XPO7: variants seen among roughly 807,000 people sequenced by gnomAD.
XPO7 encodes the protein exportin 7.
Under a neutral mutation model 144.3 loss-of-function variants are expected in XPO7, and 21 were observed. The observed-to-expected ratio is 0.15, with a 90% CI of 0.10 to 0.21. XPO7 has a LOEUF of 0.21. Ranked by LOEUF, XPO7 falls within the 10% of genes least tolerant of loss-of-function variation. XPO7 has a pLI of 1.00. For synonymous variants in XPO7, 580 were observed against 499.6 expected, an observed-to-expected ratio of 1.16 and a Z score of -2.15; for missense variants, 808 against 1,325.8, an observed-to-expected ratio of 0.61 and a Z score of 6.06.
intron 1 of XPO7, among the ~76,000 whole-genome samples, chr8:21,966,058 C>G (rs1351560445): frequency 6.6e-6 from 1 of 152,158 alleles, no homozygotes; most frequent in Non-Finnish European, 1.5e-5. Flanking sequence ...ACATTAAGTG[C>G]AAGTATATAT....
At chr8:21,946,743 A>G (rs1429017291) in intron 1 of XPO7, among the ~76,000 whole-genome samples, 1 of 151,260 alleles carries the variant, frequency 6.6e-6, no homozygotes, top group Non-Finnish European at 1.5e-5. Context: ...CCTGGGTTCA[A>G]GCGATTCTAA....
At chr8:21,939,112 T>G (rs918166572) in intron 1 of XPO7, among the ~76,000 whole-genome samples, 2 of 152,250 alleles carry the variant, frequency 1.3e-5, no homozygotes, top group Non-Finnish European at 2.9e-5. Context: ...TTAGCTCTTC[T>G]ATTCTTATTT....
chr8:21,976,442 C>T lies in XPO7; in HGVS notation c.684C>T (p.Asn228=). Residue 228 remains asparagine, a synonymous_variant, in exon 7 of 28, where the codon AAC becomes AAT. Coordinates refer to ENST00000252512, the MANE Select transcript of XPO7 (RefSeq NM_015024.5). ...TCAAGCTCACTCATAACTGCCTCAA[C>T]TTTGACTTCATCGGCACTTCCACTG... ...QLLKLTHNCL[N]FDFIGTSTDE... is the part of the protein sequence containing the mutation. The T allele has an allele frequency of 6.2e-7, 1 of 1,614,012 alleles. No individual in the cohort carries two copies. Among genetic ancestry groups the T allele is most frequent in the South Asian group, 1.1e-5 (1 of 91,084 alleles).
chr8:21,953,848 T>G (rs1811451665), intron 1 of XPO7, among the ~76,000 whole-genome samples: 1 of 152,198 alleles, frequency 6.6e-6, no homozygotes, highest in Non-Finnish European at 1.5e-5. Context: ...CTTTTTTAAT[T>G]GGTTTGTTTT....
chr8:21,990,496 C>G, intron 17 of XPO7, 89 bp downstream of exon 17: 7 of 1,425,422 alleles, frequency 4.9e-6, no homozygotes, highest in Non-Finnish European at 6.9e-6. Context: ...AACTGAGGTC[C>G]CGGGTATTGC....
chr8:21,990,978 T>C (rs1375180973), intron 18 of XPO7, 59 bp downstream of exon 18: 5 of 1,502,896 alleles, frequency 3.3e-6, no homozygotes, highest in Non-Finnish European at 4.6e-6. Context: ...AAATTTTTAT[T>C]TGAGGACTGA....
intron 1 of XPO7, among the ~76,000 whole-genome samples, chr8:21,946,424 G>A (rs1255331927): frequency 2.6e-5 from 4 of 151,978 alleles, no homozygotes; most frequent in African/African-American, 9.7e-5. Flanking sequence ...ATTAGATAGT[G>A]TAGAAGAGAA....
Position 21,919,745 on chromosome 8 carries a change from C to G in XPO7, c.-26C>G. ...GGTGCGCGCTGGGGGGGAGGGGGGG[C>G]CGGAGAGGAGCATGAATGGAGCAAA... On this transcript the variant is annotated 5_prime_UTR_variant, in exon 1 of 28. Coordinates refer to ENST00000252512, the MANE Select transcript of XPO7 (RefSeq NM_015024.5). 2.1e-6 allele frequency: 1 copy of G among 478,344 alleles called. No individual in the cohort carries two copies. The highest frequency in any genetic ancestry group is 2.9e-6 in the Non-Finnish European group (1 of 339,454). The allele number at this position is 478,344 out of a possible 1,614,324, so 29.6% of individuals were successfully genotyped here. A position where few individuals can be genotyped will look rare whatever the true frequency, so the allele number is the denominator to read the frequency against.
chr8:21,980,315 G>T, intron 9 of XPO7, 112 bp downstream of exon 9: 5 of 1,291,436 alleles, frequency 3.9e-6, no homozygotes, highest in Non-Finnish European at 5.1e-6. Flanking sequence ...TGTTCTTCAG[G>T]GAAGACTGAA....
At chr8:21,980,305 T>C in intron 9 of XPO7, 102 bp downstream of exon 9, 3 of 1,375,666 alleles carry the variant, frequency 2.2e-6, no homozygotes, top group Non-Finnish European at 2.9e-6. Flanking sequence ...CAATTCAGTC[T>C]GTTCTTCAGG....
intron 1 of XPO7, among the ~76,000 whole-genome samples, chr8:21,920,894 T>C (rs1379704798): frequency 2.0e-5 from 3 of 152,236 alleles, no homozygotes; most frequent in Non-Finnish European, 2.9e-5. Context: ...GATCTCATTC[T>C]TAATACGTCT....
At chr8:22,003,816 A>G in intron 26 of XPO7, 87 bp from the exon 27 acceptor site, 6 of 1,574,062 alleles carry the variant, frequency 3.8e-6, no homozygotes, top group Non-Finnish European at 5.2e-6. Flanking sequence ...TCCTTAGAGA[A>G]GAACATTCTT....
chr8:21,972,349 T>TA (rs1238151110), intron 5 of XPO7, among the ~76,000 whole-genome samples: 4 of 152,130 alleles, frequency 2.6e-5, no homozygotes, highest in Admixed American at 6.5e-5. Flanking sequence ...CGTGGTGGCA[T>TA]GTGCCTGTAG....
chr8:22,004,434 C>T (rs369756617), intron 27 of XPO7, among the ~76,000 whole-genome samples: 5 of 152,160 alleles, frequency 3.3e-5, no homozygotes, highest in East Asian at 3.8e-4. Context: ...GTTTCAAACA[C>T]ACCTAGGGAC....
At chr8:21,978,488 T>C (rs776924725) in intron 8 of XPO7, among the ~76,000 whole-genome samples, 5 of 152,222 alleles carry the variant, frequency 3.3e-5, no homozygotes, top group Non-Finnish European at 5.9e-5. Flanking sequence ...TTTCTGGCCA[T>C]TGTAGCACTT....
chr8:21,941,144 T>TTC (rs972148240), intron 1 of XPO7, among the ~76,000 whole-genome samples: 5 of 151,680 alleles, frequency 3.3e-5, no homozygotes, highest in Non-Finnish European at 5.9e-5. Flanking sequence ...TTTTTTTTTT[T>TTC]TTCTTCCCTT....
At position 21,990,623 on chromosome 8, in the gene XPO7, C is replaced by G. The variant is rs1812740287; in HGVS notation, c.1933-188C>G. Reference sequence around the variant, plus strand: ...TATGGTGAAGTCACCTACTGCTACTCATACTGCAGATAAATTAGTAGTAGT... The same window carrying G: ...TATGGTGAAGTCACCTACTGCTACTGATACTGCAGATAAATTAGTAGTAGT... On this transcript the variant is annotated intron_variant, in intron 17 of 27. Transcript: ENST00000252512. 9.9e-6 allele frequency: 7 copies of G among 703,622 alleles called. No homozygotes were observed. In the South Asian group the frequency reaches 1.3e-4, roughly 13 times the overall value. 43.6% of individuals were successfully genotyped at this position (703,622 alleles called of 1,614,324 possible). A position where few individuals can be genotyped will look rare whatever the true frequency, so the allele number is the denominator to read the frequency against.
intron 1 of XPO7, among the ~76,000 whole-genome samples, chr8:21,945,922 G>A (rs1811176332): frequency 6.6e-6 from 1 of 152,042 alleles, no homozygotes; most frequent in Non-Finnish European, 1.5e-5. Flanking sequence ...ATTGCTGTAG[G>A]GTCAAATGCC....
intron 1 of XPO7, among the ~76,000 whole-genome samples, chr8:21,956,059 A>T (rs773534748): frequency 6.6e-6 from 1 of 152,056 alleles, no homozygotes; most frequent in Non-Finnish European, 1.5e-5. Context: ...ATTACACTTT[A>T]CTTTGGTGTG....
Sources: gnomAD v4.1 joint callset for allele counts (sites outside exome capture counted in the v4.1 genomes callset) on GRCh38, gnomAD v4.1.1 for gene constraint, MANE v1.5 for transcripts, NCBI Gene and HGNC (gene_info 2026-07-23, HGNC 2026-07-21) for gene names.